ZBTB20: variants seen among roughly 807,000 people sequenced by gnomAD.
ZBTB20 encodes zinc finger and BTB domain-containing protein 20.
In ZBTB20, 9 loss-of-function variants were observed where a neutral mutation model predicts 56.9. That is an observed-to-expected ratio of 0.16 (90% CI 0.10 to 0.28). The LOEUF is 0.28. ZBTB20 is among the 10% of genes least tolerant of loss of function. ZBTB20 has a pLI of 1.00. For missense variants in ZBTB20, 655 were observed against 1,003.0 expected (o/e 0.65, Z 4.69); for synonymous variants, 417 against 420.7 (o/e 0.99, Z 0.11).
chr3:115,021,241 G>C (rs761287041), intron 2 of ZBTB20, among the ~76,000 whole-genome samples: 1 of 150,774 alleles, frequency 6.6e-6, no homozygotes, highest in East Asian at 2.0e-4. Context: ...CTTTATGTTT[G>C]AATTTTGGAT....
intron 4 of ZBTB20, among the ~76,000 whole-genome samples, chr3:114,813,262 A>G (rs2072687136): frequency 6.6e-6 from 1 of 152,260 alleles, no homozygotes; most frequent in African/African-American, 2.4e-5. Context: ...TGAAAAAGAA[A>G]CTTGAAGTCT....
intron 6 of ZBTB20, among the ~76,000 whole-genome samples, chr3:114,512,483 T>C (rs904863713): frequency 6.6e-6 from 1 of 152,160 alleles, no homozygotes; most frequent in Non-Finnish European, 1.5e-5. Flanking sequence ...ATTAGCCCAC[T>C]TTAGACAAGT....
intron 7 of ZBTB20, among the ~76,000 whole-genome samples, chr3:114,443,861 A>G (rs2091091293): frequency 6.6e-6 from 1 of 152,124 alleles, no homozygotes; most frequent in Non-Finnish European, 1.5e-5. Context: ...CAGACGTGGA[A>G]CGTGAGGCCC....
At chr3:114,592,818 A>G (rs1378515208) in intron 6 of ZBTB20, among the ~76,000 whole-genome samples, 1 of 152,006 alleles carries the variant, frequency 6.6e-6, no homozygotes, top group Non-Finnish European at 1.5e-5. Flanking sequence ...ATAATATTTT[A>G]TTCTATAAAA....
At chr3:115,132,194 T>C (rs1340628124) in intron 1 of ZBTB20, among the ~76,000 whole-genome samples, 1 of 152,222 alleles carries the variant, frequency 6.6e-6, no homozygotes, top group Non-Finnish European at 1.5e-5. Flanking sequence ...TCAGATCCTG[T>C]TTTATGCATT....
intron 6 of ZBTB20, among the ~76,000 whole-genome samples, chr3:114,639,741 A>G (rs145627345): frequency 0.012 from 1,750 of 152,116 alleles, 19 homozygotes; most frequent in Non-Finnish European, 0.019. Context: ...ACGAGTTCAT[A>G]TCTCTCTCCC....
intron 6 of ZBTB20, among the ~76,000 whole-genome samples, chr3:114,607,464 G>A (rs763026744): frequency 1.5e-4 from 22 of 151,698 alleles, no homozygotes; most frequent in African/African-American, 4.8e-4. Flanking sequence ...CCCCAACGCC[G>A]GGCTAATTTT....
chr3:114,478,950 T>A (rs1422119703), intron 7 of ZBTB20, among the ~76,000 whole-genome samples: 1 of 152,038 alleles, frequency 6.6e-6, no homozygotes, highest in Non-Finnish European at 1.5e-5. Context: ...GACAGTACAT[T>A]TATGCATCTG....
intron 1 of ZBTB20, among the ~76,000 whole-genome samples, chr3:115,073,721 T>G (rs916602701): frequency 6.6e-6 from 1 of 151,838 alleles, no homozygotes; most frequent in African/African-American, 2.4e-5. Context: ...AAATTGTATA[T>G]AAGGAGATAT....
At chr3:114,752,601 T>C (rs950037870) in intron 5 of ZBTB20, among the ~76,000 whole-genome samples, 1 of 152,202 alleles carries the variant, frequency 6.6e-6, no homozygotes, top group Admixed American at 6.5e-5. Context: ...CATGGGCACA[T>C]TACTTAGGTG....
rs1279066455 is a variant in ZBTB20, at chr3:114,329,727, A to C, written c.*9278T>G. On this transcript the variant is annotated 3_prime_UTR_variant, in exon 12 of 12. Coordinates refer to ENST00000675478, the MANE Select transcript of ZBTB20 (RefSeq NM_001348800.3). Reference sequence around the variant, plus strand: ...TTTTTTGGAAAAAAAAAAAAAAAAAAAAAAAAAAAACAACTCCCAGGAAAA... The same window carrying C: ...TTTTTTGGAAAAAAAAAAAAAAAAACAAAAAAAAAACAACTCCCAGGAAAA... 1.3e-5 allele frequency: 2 copies of C among 149,500 alleles called. No homozygotes were observed. Among genetic ancestry groups the C allele is most frequent in the Admixed American group, 6.6e-5 (1 of 15,096 alleles). The allele number at this position is 149,500 out of a possible 1,614,324, so 9.3% of individuals were successfully genotyped here.
At chr3:114,830,101 C>T (rs1374829349) in intron 4 of ZBTB20, among the ~76,000 whole-genome samples, 2 of 151,768 alleles carry the variant, frequency 1.3e-5, no homozygotes, top group East Asian at 1.9e-4. Context: ...ATGTTTCATC[C>T]GTTCCCTAAC....
At chr3:114,882,764 C>T (rs1285336573) in intron 4 of ZBTB20, among the ~76,000 whole-genome samples, 2 of 152,066 alleles carry the variant, frequency 1.3e-5, no homozygotes, top group African/African-American at 4.8e-5. Context: ...CATTTCTCTA[C>T]GCAAGTACAG....
chr3:114,854,101 T>C lies in ZBTB20; in HGVS notation c.-417+46203A>G, dbSNP rs559154355. On this transcript the variant is annotated intron_variant, in intron 4 of 11. Coordinates refer to ENST00000675478, the MANE Select transcript of ZBTB20 (RefSeq NM_001348800.3). ...TTAAGTTCTTTCTGTTACTTATTAT[T>C]AATAAAGTTTTGACACATCATTTAG... 3.2e-4 allele frequency among the ~76,000 whole-genome samples: 48 copies of C among 152,332 alleles called. 1 individual carries two copies. The South Asian group carries it at 9.7e-3, about 31-fold the overall frequency.
chr3:115,134,864 G>C lies in ZBTB20; in HGVS notation c.-703+12355C>G, dbSNP rs557477026. On this transcript the variant is annotated intron_variant, in intron 1 of 11. Coordinates refer to ENST00000675478, the MANE Select transcript of ZBTB20 (RefSeq NM_001348800.3). ...GCAGAAATATCACAGGTGGTGAAAA[G>C]CAAAGGTAAACAGCCTGTCAGTTCC... Among the ~76,000 whole-genome samples, 32 of 152,264 alleles carry C rather than the reference G, an allele frequency of 2.1e-4. No individual in the cohort carries two copies. In the South Asian group the frequency reaches 4.8e-3, roughly 23 times the overall value.
chr3:115,037,922 A>G (rs2080993281), intron 2 of ZBTB20, among the ~76,000 whole-genome samples: 1 of 152,356 alleles, frequency 6.6e-6, no homozygotes, highest in East Asian at 1.9e-4. Flanking sequence ...TGGTTTTAGT[A>G]CATAGAATAA....
chr3:114,931,949 C>T (rs1271342671), intron 3 of ZBTB20, among the ~76,000 whole-genome samples: 1 of 152,148 alleles, frequency 6.6e-6, no homozygotes, highest in African/African-American at 2.4e-5. Flanking sequence ...TTCGAAAATC[C>T]TTATGCTTTT....
chr3:114,848,170 A>G (rs1221947890), intron 4 of ZBTB20, among the ~76,000 whole-genome samples: 1 of 152,274 alleles, frequency 6.6e-6, no homozygotes, highest in East Asian at 1.9e-4. Context: ...TCCTGAGAGA[A>G]TAATAAACTA....
At chr3:114,936,464 T>C (rs918632103) in intron 3 of ZBTB20, among the ~76,000 whole-genome samples, 1 of 152,124 alleles carries the variant, frequency 6.6e-6, no homozygotes, top group Non-Finnish European at 1.5e-5. Context: ...ATACATACTT[T>C]ACTCCAAACA....
Sources: gnomAD v4.1 joint callset for allele counts (sites outside exome capture counted in the v4.1 genomes callset) on GRCh38, gnomAD v4.1.1 for gene constraint, MANE v1.5 for transcripts, NCBI Gene and HGNC (gene_info 2026-07-23, HGNC 2026-07-21) for gene names.